Variants in ASMT observed in about 807,000 individuals in gnomAD.
The protein encoded by ASMT is acetylserotonin N-methyltransferase.
A neutral mutation model predicts 41.3 loss-of-function variants in ASMT; 53 were observed. The ratio of observed to expected loss-of-function variants is 1.28; its 90% CI spans 1.03 to 1.61. The LOEUF (loss-of-function observed/expected upper bound fraction) is 1.61, where lower values mean the gene tolerates loss of function less well. Ranked by LOEUF, ASMT falls within the 40% of genes most tolerant of loss-of-function variation. The pLI is 0.00. For synonymous variants in ASMT, 231 were observed against 184.8 expected (o/e 1.25, Z -2.03); for missense variants, 531 against 441.3 (o/e 1.20, Z -1.82).
chrX:1,617,040 G>A (rs368325941), intron 1 of ASMT, among the ~76,000 whole-genome samples: 2 of 152,114 alleles, frequency 1.3e-5, no homozygotes, highest in African/African-American at 4.8e-5. Context: ...AGGTGGGGTG[G>A]TGCACACCTG....
chrX:1,623,531 A>G (rs1379470827), intron 2 of ASMT, among the ~76,000 whole-genome samples: 4 of 152,118 alleles, frequency 2.6e-5, no homozygotes, highest in African/African-American at 7.2e-5. Flanking sequence ...CCCGGGAGGC[A>G]GAGGTTGCAG....
chrX:1,630,300 A>ATTT (rs36011956), intron 5 of ASMT, among the ~76,000 whole-genome samples: 7,232 of 70,952 alleles, frequency 0.1, 1,236 homozygotes, highest in East Asian at 0.29. Flanking sequence ...CACCAGGCTA[A>ATTT]TTTTTTTTTT....
At chrX:1,616,557 C>T (rs1459805921) in intron 1 of ASMT, among the ~76,000 whole-genome samples, 1 of 151,180 alleles carries the variant, frequency 6.6e-6, no homozygotes, top group African/African-American at 2.4e-5. Flanking sequence ...GTACTAAGTG[C>T]CCCTGAATTA....
At chrX:1,628,053 G>A (rs1187071653) in intron 4 of ASMT, 317 of 513,950 alleles carry the variant, frequency 6.2e-4, no homozygotes, top group Non-Finnish European at 1.8e-4. Flanking sequence ...GGGCGCGGTG[G>A]CTCACGCCTG....
intron 1 of ASMT, among the ~76,000 whole-genome samples, chrX:1,616,175 C>T (rs1467960319): frequency 9.9e-5 from 14 of 140,802 alleles, no homozygotes; most frequent in Non-Finnish European, 1.5e-4. Context: ...ATTACAGGCA[C>T]CCACCACCAC....
chrX:1,625,967 A>AG (rs1934534855), intron 3 of ASMT, among the ~76,000 whole-genome samples: 1 of 151,220 alleles, frequency 6.6e-6, no homozygotes, highest in Non-Finnish European at 1.5e-5. Flanking sequence ...AAAAAAAAAA[A>AG]AAAAAATAGG....
At chrX:1,636,112 C>T (rs781197735) in intron 7 of ASMT, 58 of 365,460 alleles carry the variant, frequency 1.6e-4, no homozygotes, top group East Asian at 9.1e-4. Flanking sequence ...CCCGCCATCA[C>T]GCCCGGCTAA....
At chrX:1,618,999 T>C (rs1934237885) in intron 1 of ASMT, among the ~76,000 whole-genome samples, 1 of 152,192 alleles carries the variant, frequency 6.6e-6, no homozygotes, top group South Asian at 2.1e-4. Context: ...GCAGAGTTAA[T>C]ACCACCTTAA....
At chrX:1,630,802 G>C (rs1383451795) in intron 5 of ASMT, among the ~76,000 whole-genome samples, 3 of 151,362 alleles carry the variant, frequency 2.0e-5, no homozygotes, top group Non-Finnish European at 4.4e-5. Context: ...ATGCAATCCT[G>C]CTGCCTCAGC....
intron 5 of ASMT, among the ~76,000 whole-genome samples, chrX:1,632,237 C>G (rs1159441418): frequency 6.6e-6 from 1 of 152,122 alleles, no homozygotes; most frequent in Admixed American, 6.6e-5. Flanking sequence ...CAAGAACACA[C>G]AGTTAAGTGC....
Position 1,615,361 on chromosome X carries a change from C to T in ASMT, c.69+93C>T, listed in dbSNP as rs181359809. The T allele has an allele frequency of 1.2e-5, 15 of 1,215,788 alleles. No homozygotes were observed. In the African/African-American group the frequency reaches 2.2e-4, roughly 18 times the overall value. 75.3% of individuals were successfully genotyped at this position (1,215,788 alleles called of 1,614,324 possible). A position where few individuals can be genotyped will look rare whatever the true frequency, so the allele number is the denominator to read the frequency against. On this transcript the variant is annotated intron_variant, in intron 1 of 8. Transcript: ENST00000381241. ...GTCAGTCGAGAAAAATGATGAGTCT[C>T]CATCATTTTAGGAGGTTTATTTTCC... is the stretch of plus-strand genomic sequence containing the variant.
chrX:1,633,865 C>A (rs1456237124), intron 7 of ASMT, among the ~76,000 whole-genome samples: 1 of 152,154 alleles, frequency 6.6e-6, no homozygotes, highest in Non-Finnish European at 1.5e-5. Flanking sequence ...GTCTCGATCT[C>A]CTGACCGCGT....
intron 1 of ASMT, 74 bp downstream of exon 1, chrX:1,615,342 C>A: frequency 7.2e-7 from 1 of 1,388,420 alleles, no homozygotes; most frequent in Non-Finnish European, 1.0e-6. Context: ...TTGTGTCAGT[C>A]GAGAAAAATG....
intron 1 of ASMT, among the ~76,000 whole-genome samples, chrX:1,620,725 A>G (rs1180633723): frequency 2.6e-5 from 4 of 152,060 alleles, no homozygotes; most frequent in African/African-American, 9.7e-5. Context: ...CGCCTCTACT[A>G]AAAATACAAA....
intron 3 of ASMT, 119 bp from the exon 4 acceptor site, chrX:1,627,584 G>T: frequency 9.5e-7 from 1 of 1,050,792 alleles, no homozygotes; most frequent in Non-Finnish European, 1.5e-6. Flanking sequence ...TCGTGCCATT[G>T]CACTCCAGCC....
Position 1,636,431 on chromosome X carries a change from G to T in ASMT, c.788-7G>T. The T allele has an allele frequency of 6.2e-7, 1 of 1,613,922 alleles. No homozygotes were observed. Among genetic ancestry groups the T allele is most frequent in the Non-Finnish European group, 8.5e-7 (1 of 1,179,870 alleles). ...GCTGACCTCGGTGTGCCTGCCCTGT[G>T]TTCCAGGGGATTTCTTCAAAGACCC... On this transcript the variant is annotated splice_region_variant and splice_polypyrimidine_tract_variant and intron_variant, in intron 7 of 8. Coordinates refer to ENST00000381241, the MANE Select transcript of ASMT (RefSeq NM_001171038.2).
intron 7 of ASMT, 106 bp from the exon 8 acceptor site, chrX:1,636,332 C>G: frequency 3.9e-6 from 6 of 1,541,930 alleles, no homozygotes; most frequent in Non-Finnish European, 5.4e-6. Context: ...CCTGGAAGAC[C>G]TGGGAAAGGC....
chrX:1,631,084 G>GTTTTT (rs11330880), intron 5 of ASMT, among the ~76,000 whole-genome samples: 1 of 144,374 alleles, frequency 6.9e-6, no homozygotes, highest in Non-Finnish European at 1.5e-5. Flanking sequence ...CTAATTTTTT[G>GTTTTT]TTTTTTTTTT....
chrX:1,633,010 T>C (rs777863613), intron 6 of ASMT, 140 bp from the exon 7 acceptor site: 2 of 883,958 alleles, frequency 2.3e-6, no homozygotes, highest in Non-Finnish European at 3.6e-6. Flanking sequence ...TAAAGTATAA[T>C]AAAAAGAAAA....
Sources: gnomAD v4.1 joint callset for allele counts (sites outside exome capture counted in the v4.1 genomes callset) on GRCh38, gnomAD v4.1.1 for gene constraint, MANE v1.5 for transcripts, NCBI Gene and HGNC (gene_info 2026-07-23, HGNC 2026-07-21) for gene names.